HECTD4: variants seen among roughly 807,000 people sequenced by gnomAD.
The protein encoded by HECTD4 is probable E3 ubiquitin-protein ligase HECTD4.
A neutral mutation model predicts 471.5 loss-of-function variants in HECTD4; 114 were observed. That is an observed-to-expected ratio of 0.24 (90% CI 0.21 to 0.28). The LOEUF (loss-of-function observed/expected upper bound fraction) is 0.28, where lower values mean the gene tolerates loss of function less well. Ranked by LOEUF, HECTD4 falls within the 10% of genes least tolerant of loss-of-function variation. The probability of loss-of-function intolerance (pLI) is 1.00; values close to 1 mark genes in which losing one functional copy is unlikely to be tolerated. For synonymous variants in HECTD4, 2,012 were observed against 2,256.0 expected (o/e 0.89, Z 3.07); for missense variants, 3,866 against 5,651.5 (o/e 0.68, Z 10.13).
Position 112,162,664 on chromosome 12 carries a change from G to T in HECTD4, c.13121-141C>A. On this transcript the variant is annotated intron_variant, in intron 75 of 75. Transcript: ENST00000682272. The surrounding 1 kb of genome is among the most constrained non-coding windows in gnomAD (Gnocchi z 5.2). ...TGGGGCCCAGCAGGAGGGGGATGAG[G>T]GCCTGGGAACCTGCGAGATGTTCTT... 1.0e-6 allele frequency: 1 copy of T among 966,510 alleles called. No individual in the cohort carries two copies. Among genetic ancestry groups the T allele is most frequent in the Non-Finnish European group, 1.5e-6 (1 of 649,688 alleles). The allele number at this position is 966,510 out of a possible 1,614,324, so 59.9% of individuals were successfully genotyped here. A position where few individuals can be genotyped will look rare whatever the true frequency, so the allele number is the denominator to read the frequency against.
chr12:112,289,290 A>G (rs1287944993), intron 7 of HECTD4, among the ~76,000 whole-genome samples: 1 of 152,148 alleles, frequency 6.6e-6, no homozygotes, highest in Non-Finnish European at 1.5e-5. Flanking sequence ...TTTTGTAGAA[A>G]TGGGGTCTCA....
At chr12:112,351,056 C>T (rs1167292926) in intron 1 of HECTD4, among the ~76,000 whole-genome samples, 1 of 152,126 alleles carries the variant, frequency 6.6e-6, no homozygotes, top group Non-Finnish European at 1.5e-5. Context: ...CTGGCCACCT[C>T]GTTTCATATT....
At chr12:112,346,046 C>A (rs1012967257) in intron 1 of HECTD4, among the ~76,000 whole-genome samples, 92 of 152,294 alleles carry the variant, frequency 6.0e-4, no homozygotes, top group African/African-American at 2.2e-3. Flanking sequence ...AGCTTCCATT[C>A]GCTATAGTCC....
At chr12:112,298,356 C>T (rs1263641787) in intron 7 of HECTD4, among the ~76,000 whole-genome samples, 1 of 152,046 alleles carries the variant, frequency 6.6e-6, no homozygotes, top group East Asian at 1.9e-4. Flanking sequence ...CCTTTTATTA[C>T]ACAGCAGGTA....
intron 32 of HECTD4, 39 bp from the exon 33 acceptor site, chr12:112,240,066 T>C (rs746242314): frequency 2.5e-6 from 4 of 1,607,898 alleles, no homozygotes; most frequent in Non-Finnish European, 2.6e-6. Flanking sequence ...TCCTGAACCA[T>C]GTCAAGAACA....
chr12:112,195,132 G>T, intron 55 of HECTD4, 66 bp from the exon 56 acceptor site: 1 of 1,416,442 alleles, frequency 7.1e-7, no homozygotes, highest in Non-Finnish European at 9.6e-7. Flanking sequence ...CCGGGACCAG[G>T]CCGCAGGTTC....
At chr12:112,374,491 G>A (rs982229970) in intron 1 of HECTD4, among the ~76,000 whole-genome samples, 3 of 152,076 alleles carry the variant, frequency 2.0e-5, no homozygotes, top group Non-Finnish European at 4.4e-5. Context: ...TTTACAGCTC[G>A]AGCCAGACAA....
rs148990896 is a variant in HECTD4 at position 112,246,141 on chromosome 12, AAAAATAAAAT to A, written c.4513+750_4513+759del. On this transcript the variant is annotated intron_variant, in intron 29 of 75. Transcript: ENST00000682272. ...AATGAGACTCCGTCTCAAAAAAATA[AAAAATAAAAT>A]AAAATAAAATAAAATAAAATAAAAT... Among the ~76,000 whole-genome samples the A allele has an allele frequency of 1.3e-4, 19 of 149,008 alleles. No homozygotes were observed. In the South Asian group the frequency reaches 1.5e-3, roughly 12 times the overall value.
chr12:112,228,936 C>T lies in HECTD4; in HGVS notation c.6520-125G>A, dbSNP rs1184054235. The T allele has an allele frequency of 3.3e-6, 3 of 921,020 alleles. No homozygotes were observed. The highest frequency in any genetic ancestry group is 2.4e-5 in the East Asian group (1 of 41,228). The allele number at this position is 921,020 out of a possible 1,614,324, so 57.1% of individuals were successfully genotyped here. A position where few individuals can be genotyped will look rare whatever the true frequency, so the allele number is the denominator to read the frequency against. ...GGCGTTACAGTAATAGTTTATACTA[C>T]TAGGGTAGCAGATACCAAGCCCTAG... On this transcript the variant is annotated intron_variant, in intron 41 of 75. Coordinates refer to ENST00000682272, the MANE Select transcript of HECTD4 (RefSeq NM_001388303.1). The surrounding 1 kb of genome is among the most constrained non-coding windows in gnomAD (Gnocchi z 4.9).
chr12:112,237,437 G>C (rs1482220649), intron 34 of HECTD4, among the ~76,000 whole-genome samples: 1 of 151,998 alleles, frequency 6.6e-6, no homozygotes, highest in Non-Finnish European at 1.5e-5. Flanking sequence ...CACAATAAAA[G>C]ACCTTTCTGG....
At chr12:112,296,135 AG>A (rs2035005994) in intron 7 of HECTD4, among the ~76,000 whole-genome samples, 1 of 152,136 alleles carries the variant, frequency 6.6e-6, no homozygotes, top group African/African-American at 2.4e-5. Flanking sequence ...GTAGGTGCAG[AG>A]GGTGTAGGTG....
Position 112,185,493 on chromosome 12 carries a change from C to T in HECTD4, c.9473G>A (p.Gly3158Glu). Residue 3158 changes from glycine (G) to glutamate (E), a missense_variant and splice_region_variant, in exon 61 of 76, where the codon GGA becomes GAA. Around this residue, in one of 16 missense-constraint regions of HECTD4, gnomAD observed 364 missense variants for 413.2 expected, o/e 0.88. Coordinates refer to ENST00000682272, the MANE Select transcript of HECTD4 (RefSeq NM_001388303.1). The part of the protein sequence containing the change: ...SVLLQVVELL[G>E]NFLWTTDMAA... ...CATGTCCGTGGTCCACAAGAAGTTT[C>T]CTGAGGCAAATGAAAATAGTAACAG... The T allele has an allele frequency of 6.5e-7, 1 of 1,538,832 alleles. No homozygotes were observed. Among genetic ancestry groups the T allele is most frequent in the Non-Finnish European group, 8.8e-7 (1 of 1,141,298 alleles).
chr12:112,199,578 T>C (rs557776412), intron 55 of HECTD4, among the ~76,000 whole-genome samples: 2 of 152,352 alleles, frequency 1.3e-5, no homozygotes, highest in African/African-American at 4.8e-5. Context: ...TTATTATATT[T>C]TCCTCTGAAT....
intron 60 of HECTD4, among the ~76,000 whole-genome samples, chr12:112,186,761 A>G (rs928531215): frequency 6.7e-6 from 1 of 149,998 alleles, no homozygotes; most frequent in Non-Finnish European, 1.5e-5. Flanking sequence ...TCCGCCTCCC[A>G]GGTTCAAGCA....
intron 71 of HECTD4, 65 bp from the exon 72 acceptor site, chr12:112,167,603 G>A: frequency 7.6e-7 from 1 of 1,318,174 alleles, no homozygotes; most frequent in Non-Finnish European, 1.0e-6. Flanking sequence ...GGGAACATGT[G>A]TTTCAAGCCA....
intron 1 of HECTD4, among the ~76,000 whole-genome samples, chr12:112,363,123 A>G (rs1425878821): frequency 6.6e-6 from 1 of 152,134 alleles, no homozygotes; most frequent in East Asian, 1.9e-4. Context: ...TATTACGCTA[A>G]TCAGTAATTA....
Position 112,247,531 on chromosome 12 carries a change from T to C in HECTD4, c.4268A>G (p.Glu1423Gly). The C allele has an allele frequency of 6.6e-7, 1 of 1,516,644 alleles. No individual in the cohort carries two copies. Among genetic ancestry groups the C allele is most frequent in the Non-Finnish European group, 8.9e-7 (1 of 1,126,530 alleles). The allele number at this position is 1,516,644 out of a possible 1,614,324, so 93.9% of individuals were successfully genotyped here. A position where few individuals can be genotyped will look rare whatever the true frequency, so the allele number is the denominator to read the frequency against. ...GACTTCCTTCATTGAACATAAAAGT[T>C]CTAGTTCTTTCATTTTGTTCTAAAG... ...HFNENKMKELELLCSMKEVSF... is the reference protein window; with the variant it reads ...HFNENKMKELGLLCSMKEVSF... The change falls in exon 28 of 76, where the codon GAA (glutamate) becomes GGA (glycine). Residue 1423 changes from glutamate (E) to glycine (G), a missense_variant. This residue lies in a region of HECTD4 where 281 missense variants were observed against 499.9 expected (regional missense o/e 0.56). Transcript: ENST00000682272.
In HECTD4 at chr12:112,319,573, T is replaced by C; in HGVS notation, c.347A>G (p.Glu116Gly). ...QLALEEQHER[E>G]SSGDEETLAL... ...CAAAGTTTCCTCATCACCTGAACTT[T>C]CCCTTTCATGCTGTTCTTCTAAGGC... Residue 116 changes from glutamate (E) to glycine (G), a missense_variant, in exon 2 of 76, where the codon GAA (glutamate) becomes GGA (glycine). Around this residue, in one of 16 missense-constraint regions of HECTD4, gnomAD observed 440 missense variants for 636.0 expected, o/e 0.69. Coordinates refer to ENST00000682272, the MANE Select transcript of HECTD4 (RefSeq NM_001388303.1). This position sits in a 1 kb window ranked among gnomAD's most constrained non-coding sequence, Gnocchi z 5.3. 1 of 1,433,462 alleles carries C rather than the reference T, an allele frequency of 7.0e-7. No homozygotes were observed. The highest frequency in any genetic ancestry group is 1.5e-5 in the South Asian group (1 of 66,350). The allele number at this position is 1,433,462 out of a possible 1,614,324, so 88.8% of individuals were successfully genotyped here. A position where few individuals can be genotyped will look rare whatever the true frequency, so the allele number is the denominator to read the frequency against.
At chr12:112,168,285 G>T (rs2031062793) in intron 70 of HECTD4, among the ~76,000 whole-genome samples, 1 of 152,204 alleles carries the variant, frequency 6.6e-6, no homozygotes, top group Admixed American at 6.5e-5. Context: ...GGACTTGTTT[G>T]GTCCATGTCT....
Sources: gnomAD v4.1 joint callset for allele counts (sites outside exome capture counted in the v4.1 genomes callset) on GRCh38, gnomAD v4.1.1 for gene constraint, gnomAD v4.1.1 regional missense constraint, Gnocchi (gnomAD v3.1) non-coding constraint, MANE v1.5 for transcripts, NCBI Gene and HGNC (gene_info 2026-07-23, HGNC 2026-07-21) for gene names.